The following TENM2 variants were observed in gnomAD, a reference collection of about 807,000 sequenced individuals.
TENM2 encodes teneurin-2.
A neutral mutation model predicts 245.2 loss-of-function variants in TENM2; 52 were observed. The ratio of observed to expected loss-of-function variants is 0.21; its 90% CI spans 0.17 to 0.27. The LOEUF (loss-of-function observed/expected upper bound fraction) is 0.27. Among genes scored for constraint, TENM2 ranks in the 10% least tolerant of loss-of-function variants. The probability of loss-of-function intolerance (pLI) is 1.00; values close to 1 mark genes in which losing one functional copy is unlikely to be tolerated. For missense variants in TENM2, 3,046 were observed against 3,666.8 expected (o/e 0.83, Z 4.37); for synonymous variants, 1,363 against 1,438.9 (o/e 0.95, Z 1.19).
intron 2 of TENM2, among the ~76,000 whole-genome samples, chr5:167,478,408 T>C (rs1309225527): frequency 1.3e-5 from 2 of 152,212 alleles, no homozygotes; most frequent in Non-Finnish European, 2.9e-5. Context: ...CATATTTTAA[T>C]GATGCTGGAA....
intron 2 of TENM2, among the ~76,000 whole-genome samples, chr5:167,714,264 T>C (rs994668506): frequency 3.3e-5 from 5 of 152,250 alleles, no homozygotes; most frequent in African/African-American, 1.2e-4. Context: ...ATGGTGCGGT[T>C]TTCTTTGCAC....
the TENM2 span, among the ~76,000 whole-genome samples, chr5:167,076,888 T>C: frequency 6.6e-6 from 1 of 152,296 alleles, no homozygotes; most frequent in South Asian, 2.1e-4. Context: ...TTGCCCAGGC[T>C]GGAGTGCAGT....
intron 13 of TENM2, among the ~76,000 whole-genome samples, chr5:168,175,558 G>A (rs534374132): frequency 9.9e-5 from 15 of 152,158 alleles, no homozygotes; most frequent in Admixed American, 7.8e-4. Context: ...AACTAACAAA[G>A]AAGCTGAGGG....
intron 2 of TENM2, among the ~76,000 whole-genome samples, chr5:167,479,254 C>G (rs1313879060): frequency 6.6e-6 from 1 of 152,140 alleles, no homozygotes; most frequent in East Asian, 1.9e-4. Context: ...GGATTTTATT[C>G]TACTCAATCC....
chr5:167,890,692 G>A (rs1403233317), intron 3 of TENM2, among the ~76,000 whole-genome samples: 2 of 152,060 alleles, frequency 1.3e-5, no homozygotes, highest in African/African-American at 2.4e-5. Context: ...GATCAGGCAT[G>A]ATCTTTTAAT....
chr5:167,178,300 A>G, the TENM2 span, among the ~76,000 whole-genome samples: 8 of 152,336 alleles, frequency 5.3e-5, no homozygotes, highest in South Asian at 1.4e-3. Flanking sequence ...GTCAAGACCT[A>G]TGCCCTCAGA....
At chr5:167,860,383 C>T (rs1163989464) in intron 2 of TENM2, among the ~76,000 whole-genome samples, 5 of 90,910 alleles carry the variant, frequency 5.5e-5, no homozygotes, top group South Asian at 4.8e-4. Flanking sequence ...GTCAGCCCCC[C>T]GCCCGGCCAG....
intron 2 of TENM2, among the ~76,000 whole-genome samples, chr5:167,857,612 G>T (rs769012820): frequency 1.3e-5 from 2 of 152,066 alleles, no homozygotes; most frequent in Non-Finnish European, 1.5e-5. Flanking sequence ...TGGAACCCTT[G>T]TTTCCTGGGA....
intron 5 of TENM2, among the ~76,000 whole-genome samples, chr5:168,041,336 ATCT>A (rs1465294334): frequency 6.6e-6 from 1 of 152,154 alleles, no homozygotes; most frequent in African/African-American, 2.4e-5. Flanking sequence ...GTAAACGTTC[ATCT>A]TCTTCAAAAT....
intron 3 of TENM2, among the ~76,000 whole-genome samples, chr5:167,905,638 A>G (rs1486187266): frequency 6.6e-6 from 1 of 152,218 alleles, no homozygotes; most frequent in Non-Finnish European, 1.5e-5. Context: ...GAGTCTTTAC[A>G]AATAGGAGAA....
intron 25 of TENM2, among the ~76,000 whole-genome samples, chr5:168,241,624 T>A (rs1324339472): frequency 6.6e-6 from 1 of 152,108 alleles, no homozygotes; most frequent in Non-Finnish European, 1.5e-5. Flanking sequence ...GAGATGACCT[T>A]ATAGAAACAG....
At chr5:167,356,187 CAAAAAAAAAAAAAAAAA>C (rs58804392) in intron 1 of TENM2, among the ~76,000 whole-genome samples, 24 of 74,030 alleles carry the variant, frequency 3.2e-4, no homozygotes, top group Admixed American at 5.9e-4. Context: ...GACTCCATCT[CAAAAAAAAAAAAAAAAA>C]AAAAAAAAAA....
chr5:167,735,662 T>G (rs1164866816), intron 2 of TENM2, among the ~76,000 whole-genome samples: 1 of 151,998 alleles, frequency 6.6e-6, no homozygotes, highest in Non-Finnish European at 1.5e-5. Context: ...AAAAATTAGC[T>G]GGGCATGTTG....
intron 1 of TENM2, among the ~76,000 whole-genome samples, chr5:167,346,698 CAG>C (rs1244800499): frequency 6.6e-6 from 1 of 152,156 alleles, no homozygotes; most frequent in Non-Finnish European, 1.5e-5. Flanking sequence ...GGGTCAGAGA[CAG>C]AGGGCAGTTT....
intron 7 of TENM2, among the ~76,000 whole-genome samples, chr5:168,081,472 TATG>T (rs887969395): frequency 4.0e-4 from 61 of 152,342 alleles, no homozygotes; most frequent in African/African-American, 1.4e-3. Context: ...ATCCTGTCAT[TATG>T]ATGTTAGGTG....
chr5:167,422,224 C>T (rs4437397), intron 2 of TENM2, among the ~76,000 whole-genome samples: 100,353 of 152,148 alleles, frequency 0.66, 34,939 homozygotes, highest in Middle Eastern at 0.84. Context: ...AATTATTCTG[C>T]TTCAGTAGGA....
At chr5:167,375,198 G>A (rs1475825629) in exon 2 of TENM2, 1 of 1,551,104 alleles carries the variant, frequency 6.4e-7, no homozygotes, top group Non-Finnish European at 8.7e-7. Flanking sequence ...GTCACCCTAG[G>A]AACCAACTTC....
chr5:167,851,974 T>C (rs767748487), intron 2 of TENM2, among the ~76,000 whole-genome samples: 1 of 152,222 alleles, frequency 6.6e-6, no homozygotes, highest in Non-Finnish European at 1.5e-5. Flanking sequence ...GTCTGTACTA[T>C]AGATGAAATG....
At chr5:167,159,757 C>A in the TENM2 span, among the ~76,000 whole-genome samples, 3 of 152,282 alleles carry the variant, frequency 2.0e-5, no homozygotes, top group Admixed American at 6.5e-5. Flanking sequence ...CATTTCAGTT[C>A]TGTTTGGATA....
Sources: gnomAD v4.1 joint callset for allele counts (sites outside exome capture counted in the v4.1 genomes callset) on GRCh38, gnomAD v4.1.1 for gene constraint, MANE v1.5 for transcripts, NCBI Gene and HGNC (gene_info 2026-07-23, HGNC 2026-07-21) for gene names.